Variants in OPRL1 observed in about 807,000 individuals in gnomAD.
The protein encoded by OPRL1 is nociceptin receptor.
A neutral mutation model predicts 15.5 loss-of-function variants in OPRL1; 5 were observed. The observed-to-expected ratio is 0.32, with a 90% CI of 0.17 to 0.68. OPRL1 has a LOEUF of 0.68. OPRL1 is among the 30% of genes least tolerant of loss of function. The pLI is 0.72. For missense variants in OPRL1, 406 were observed against 515.3 expected, an observed-to-expected ratio of 0.79 and a Z score of 2.05; for synonymous variants, 223 against 230.2, an observed-to-expected ratio of 0.97 and a Z score of 0.28.
chr20:64,088,860 G>GAGT (rs2060089815), intron 1 of OPRL1, among the ~76,000 whole-genome samples: 1 of 137,874 alleles, frequency 7.3e-6, no homozygotes, highest in Non-Finnish European at 1.6e-5. Flanking sequence ...AGGGAGGGCA[G>GAGT]GGTCTGTGCA....
chr20:64,085,659 A>C (rs563496152), intron 1 of OPRL1, among the ~76,000 whole-genome samples: 2 of 152,300 alleles, frequency 1.3e-5, no homozygotes, highest in East Asian at 3.9e-4. Flanking sequence ...CGTATCTATT[A>C]CTTCCACGAG....
In OPRL1 at chr20:64,083,715, C is replaced by G; in HGVS notation, c.-185+3363C>G. ...GCGCGATCTCCTCGGCCTGCGGGGC[C>G]CGGGTAGCTGAGCGCGCGCCGAGCC... On this transcript the variant is annotated intron_variant, in intron 1 of 4. Coordinates refer to ENST00000336866, the MANE Select transcript of OPRL1 (RefSeq NM_182647.4). This position sits in a 1 kb window ranked among gnomAD's most constrained non-coding sequence, Gnocchi z 4.9. 1 of 1,373,690 alleles carries G rather than the reference C, an allele frequency of 7.3e-7. No homozygotes were observed. 85.1% of individuals were successfully genotyped at this position (1,373,690 alleles called of 1,614,324 possible).
intron 1 of OPRL1, chr20:64,084,925 C>T (rs1046734196): frequency 6.6e-6 from 1 of 152,276 alleles, no homozygotes; most frequent in East Asian, 1.9e-4. Context: ...CTGCTTGCTG[C>T]CTTCTCTGGT....
At chr20:64,098,194 C>A (rs1255261375) in intron 4 of OPRL1, 37 bp downstream of exon 4, 18 of 1,605,712 alleles carry the variant, frequency 1.1e-5, no homozygotes, top group Non-Finnish European at 1.5e-5. Context: ...CACCAGGCTC[C>A]CTGGCTCCCG....
In OPRL1 at chr20:64,098,011, G is replaced by A. The variant is rs768146093; in HGVS notation, c.443G>A (p.Arg148His). 3 of 1,611,786 alleles carry A rather than the reference G, an allele frequency of 1.9e-6. No individual in the cohort carries two copies. The highest frequency in any genetic ancestry group is 4.5e-5 in the East Asian group (2 of 44,760). ...ACCCTAACTGCCATGAGTGTGGATC[G>A]CTATGTAGCCATCTGCCACCCCATC... Reference protein sequence around the residue: ...TFTLTAMSVDRYVAICHPIRA... With the variant: ...TFTLTAMSVDHYVAICHPIRA... The change falls in exon 4 of 5, where the codon CGC (arginine) becomes CAC (histidine). Residue 148 changes from arginine to histidine, a missense_variant. Coordinates refer to ENST00000336866, the MANE Select transcript of OPRL1 (RefSeq NM_182647.4).
rs781195365 is a variant in OPRL1, at chr20:64,092,816, G to T, written c.96G>T (p.Leu32=). 1 of 1,612,786 alleles carries T rather than the reference G, an allele frequency of 6.2e-7. No homozygotes were observed. The highest frequency in any genetic ancestry group is 8.5e-7 in the Non-Finnish European group (1 of 1,179,958). ...LSLLSPNHSL[L]PPHLLLNASH... ...TCCTGAGCCCCAACCACAGTCTGCT[G>T]CCCCCGCATCTGCTGCTCAATGCCA... The change falls in exon 3 of 5, where the codon CTG becomes CTT. Residue 32 remains leucine, a synonymous_variant. Transcript: ENST00000336866.
chr20:64,098,415 T>C lies in OPRL1; in HGVS notation c.729T>C (p.Arg243=). The C allele has an allele frequency of 6.2e-7, 1 of 1,613,598 alleles. No homozygotes were observed. Among genetic ancestry groups the C allele is most frequent in the Non-Finnish European group, 8.5e-7 (1 of 1,180,008 alleles). ...VCYSLMIRRL[R]GVRLLSGSRE... ...ACAGCCTCATGATCCGGCGGCTCCGTGGAGTCCGCCTGCTCTCGGGCTCCC... is the reference window on the plus strand; with the variant it reads ...ACAGCCTCATGATCCGGCGGCTCCGCGGAGTCCGCCTGCTCTCGGGCTCCC... The change falls in exon 5 of 5, where the codon CGT becomes CGC. Residue 243 remains arginine (R), a synonymous_variant. Coordinates refer to ENST00000336866, the MANE Select transcript of OPRL1 (RefSeq NM_182647.4).
rs1979641790 is a variant in OPRL1, at chr20:64,100,007, A to G, written c.*1208A>G. The G allele has an allele frequency of 6.7e-6, 1 of 150,354 alleles. No homozygotes were observed. Among genetic ancestry groups the G allele is most frequent in the African/African-American group, 2.5e-5 (1 of 40,534 alleles). The allele number at this position is 150,354 out of a possible 1,614,324, so 9.3% of individuals were successfully genotyped here. ...GGGCCTGAGCTTGCTGCCCAACGGG[A>G]GGATGGCTTCACAGCAGAGCCAGCA... On this transcript the variant is annotated 3_prime_UTR_variant, in exon 5 of 5. Transcript: ENST00000336866.
intron 3 of OPRL1, among the ~76,000 whole-genome samples, chr20:64,093,171 G>A (rs1298067193): frequency 6.6e-6 from 1 of 151,940 alleles, no homozygotes; most frequent in Non-Finnish European, 1.5e-5. Context: ...CTGGCCCACC[G>A]CGCTCTGTCC....
rs756175055 is a variant in OPRL1 at position 64,097,944 on chromosome 20, G to C, written c.376G>C (p.Val126Leu). The C allele has an allele frequency of 6.2e-7, 1 of 1,613,760 alleles. No individual in the cohort carries two copies. Among genetic ancestry groups the C allele is most frequent in the East Asian group, 2.2e-5 (1 of 44,892 alleles). The change falls in exon 4 of 5, where the codon GTC becomes CTC. Residue 126 changes from valine to leucine, a missense_variant. Coordinates refer to ENST00000336866, the MANE Select transcript of OPRL1 (RefSeq NM_182647.4). This position sits in a 1 kb window ranked among gnomAD's most constrained non-coding sequence, Gnocchi z 4.2. ...WPFGNALCKT[V>L]IAIDYYNMFT... ...GTTTGGGAATGCGCTGTGCAAGACA[G>C]TCATTGCCATTGACTACTACAACAT... is the stretch of plus-strand genomic sequence containing the variant.
In OPRL1 at chr20:64,090,520, G is replaced by A. The variant is rs954690037; in HGVS notation, c.-184-1446G>A. On this transcript the variant is annotated intron_variant, in intron 1 of 4. Coordinates refer to ENST00000336866, the MANE Select transcript of OPRL1 (RefSeq NM_182647.4). This position sits in a 1 kb window ranked among gnomAD's most constrained non-coding sequence, Gnocchi z 4.9. ...CAGGGTCTGAGCTGTGTGGGGAGAG[G>A]TCTGGTTTTCCTGCAAAGCTCGTGC... Among the ~76,000 whole-genome samples the A allele has an allele frequency of 5.9e-5, 9 of 152,226 alleles. No homozygotes were observed. The highest frequency in any genetic ancestry group is 2.2e-4 in the African/African-American group (9 of 41,458).
rs55872076 is a variant in OPRL1, at chr20:64,092,900, C to T, written c.180C>T (p.Ala60=). ...TCACCATCGTGGGGCTCTACCTGGC[C>T]GTGTGTGTCGGAGGGCTCCTGGGGA... ...LKVTIVGLYL[A]VCVGGLLGNC... is the part of the protein sequence containing the mutation. Residue 60 remains alanine (A), a synonymous_variant, in exon 3 of 5, where the codon GCC becomes GCT. Transcript: ENST00000336866. The T allele has an allele frequency of 0.03, 47,728 of 1,612,740 alleles. 920 individuals carry two copies. The highest frequency in any genetic ancestry group is 0.037 in the Non-Finnish European group (43,624 of 1,179,924).
chr20:64,083,719 G>T lies in OPRL1; in HGVS notation c.-185+3367G>T. 3 of 1,362,772 alleles carry T rather than the reference G, an allele frequency of 2.2e-6. No homozygotes were observed. The highest frequency in any genetic ancestry group is 2.8e-6 in the Non-Finnish European group (3 of 1,066,332). 84.4% of individuals were successfully genotyped at this position (1,362,772 alleles called of 1,614,324 possible). A position where few individuals can be genotyped will look rare whatever the true frequency, so the allele number is the denominator to read the frequency against. On this transcript the variant is annotated intron_variant, in intron 1 of 4. Coordinates refer to ENST00000336866, the MANE Select transcript of OPRL1 (RefSeq NM_182647.4). This position sits in a 1 kb window ranked among gnomAD's most constrained non-coding sequence, Gnocchi z 4.9. The stretch of plus-strand genomic sequence containing the variant: ...GATCTCCTCGGCCTGCGGGGCCCGG[G>T]TAGCTGAGCGCGCGCCGAGCCCCGC...
At chr20:64,082,388 G>A (rs570990392) in intron 1 of OPRL1, among the ~76,000 whole-genome samples, 1 of 152,324 alleles carries the variant, frequency 6.6e-6, no homozygotes, top group South Asian at 2.1e-4. Context: ...AGAGTAAAGT[G>A]CTCGGTGCAC....
intron 1 of OPRL1, 59 bp from the exon 2 acceptor site, chr20:64,091,907 C>T (rs2060121790): frequency 6.6e-6 from 1 of 152,652 alleles, no homozygotes; most frequent in African/African-American, 2.4e-5. Context: ...CCCCCACCTC[C>T]TCCAGCCTGC....
In OPRL1 at chr20:64,100,296, T is replaced by C. The variant is rs1979678552; in HGVS notation, c.*1497T>C. The C allele has an allele frequency of 6.6e-6, 1 of 152,152 alleles. No individual in the cohort carries two copies. Among genetic ancestry groups the C allele is most frequent in the Non-Finnish European group, 1.5e-5 (1 of 68,040 alleles). The allele number at this position is 152,152 out of a possible 1,614,324, so 9.4% of individuals were successfully genotyped here. The stretch of plus-strand genomic sequence containing the variant: ...CCACCAAAACCTTGGCCAGGTAACC[T>C]ACCTTAGGCACCTGCAAAGAACAGG... On this transcript the variant is annotated 3_prime_UTR_variant, in exon 5 of 5. Transcript: ENST00000336866.
chr20:64,083,559 G>T lies in OPRL1; in HGVS notation c.-185+3207G>T. On this transcript the variant is annotated intron_variant, in intron 1 of 4. Coordinates refer to ENST00000336866, the MANE Select transcript of OPRL1 (RefSeq NM_182647.4). The surrounding 1 kb of genome is among the most constrained non-coding windows in gnomAD (Gnocchi z 4.9). The stretch of plus-strand genomic sequence containing the variant: ...CGGGCAGGGCCCCTCCCCTTTCCCC[G>T]CCCCTACCGGGGCTTGTCTGCACCT... The T allele has an allele frequency of 6.5e-7, 1 of 1,529,388 alleles. No homozygotes were observed. The highest frequency in any genetic ancestry group is 1.4e-5 in the African/African-American group (1 of 72,096). 94.7% of individuals were successfully genotyped at this position (1,529,388 alleles called of 1,614,324 possible). A position where few individuals can be genotyped will look rare whatever the true frequency, so the allele number is the denominator to read the frequency against.
intron 1 of OPRL1, chr20:64,086,463 G>C (rs1323558621): frequency 5.1e-6 from 1 of 195,576 alleles, no homozygotes; most frequent in Admixed American, 4.7e-5. Context: ...CAACTGTGAG[G>C]GACCCAGCAG....
chr20:64,085,377 T>G (rs906387602), intron 1 of OPRL1, among the ~76,000 whole-genome samples: 8 of 152,150 alleles, frequency 5.3e-5, no homozygotes, highest in Non-Finnish European at 8.8e-5. Context: ...TCACCTCTTC[T>G]AGGGCAAGTT....
Sources: gnomAD v4.1 joint callset for allele counts (sites outside exome capture counted in the v4.1 genomes callset) on GRCh38, gnomAD v4.1.1 for gene constraint, Gnocchi (gnomAD v3.1) non-coding constraint, MANE v1.5 for transcripts, NCBI Gene and HGNC (gene_info 2026-07-23, HGNC 2026-07-21) for gene names.